The following ACAD8 variants were observed in gnomAD, a reference collection of about 807,000 sequenced individuals.
ACAD8 encodes the protein acyl-CoA dehydrogenase family member 8.
ACAD8 carries 47 observed loss-of-function variants against 53.1 expected under a neutral mutation model. The ratio of observed to expected loss-of-function variants is 0.89; its 90% CI spans 0.70 to 1.13. ACAD8 has a LOEUF of 1.13. ACAD8 is among the 50% of genes most tolerant of loss of function. The pLI is 0.00. For synonymous variants in ACAD8, 198 were observed against 201.3 expected, an observed-to-expected ratio of 0.98 and a Z score of 0.14; for missense variants, 494 against 535.0, an observed-to-expected ratio of 0.92 and a Z score of 0.76.
chr11:134,264,875 T>C (rs1195882827), intron 10 of ACAD8, 33 bp from the exon 11 acceptor site: 2 of 1,603,452 alleles, frequency 1.2e-6, no homozygotes, highest in Admixed American at 3.3e-5. Context: ...ACTTTGCTGC[T>C]GTGAAATTCT....
chr11:134,262,998 A>G, intron 10 of ACAD8: 2 of 1,205,344 alleles, frequency 1.7e-6, no homozygotes, highest in African/African-American at 3.2e-5. Context: ...AATGTGAGCC[A>G]GTATGGTCAT....
chr11:134,258,090 T>C, intron 3 of ACAD8: 1 of 285,824 alleles, frequency 3.5e-6, no homozygotes, highest in South Asian at 3.5e-5. Context: ...GACCTTGTGT[T>C]CTGCCTGCCT....
chr11:134,253,956 G>A (rs537847488), intron 1 of ACAD8, among the ~76,000 whole-genome samples: 179 of 147,032 alleles, frequency 1.2e-3, no homozygotes, highest in African/African-American at 4.2e-3. Flanking sequence ...TCCTCCGGCC[G>A]GTCACCCCCG....
intron 10 of ACAD8, chr11:134,264,188 A>G (rs753828631): frequency 2.7e-4 from 100 of 366,012 alleles, no homozygotes; most frequent in Non-Finnish European, 3.4e-4. Context: ...GTCTAAAATT[A>G]TAAAAAGTTA....
chr11:134,264,963 C>A lies in ACAD8; in HGVS notation c.*3C>A. On this transcript the variant is annotated 3_prime_UTR_variant, in exon 11 of 11. Transcript: ENST00000281182. ...CTAGAAGCCTGCTTCAGGAGTAGAA[C>A]CCACACTTGTTCTGGCCTGGTGTTC... 1 of 1,614,008 alleles carries A rather than the reference C, an allele frequency of 6.2e-7. No individual in the cohort carries two copies. The highest frequency in any genetic ancestry group is 8.5e-7 in the Non-Finnish European group (1 of 1,179,872).
At position 134,264,833 on chromosome 11, in the gene ACAD8, G is replaced by A. The variant is rs941682987; in HGVS notation, c.1196-75G>A. 18 of 1,343,936 alleles carry A rather than the reference G, an allele frequency of 1.3e-5. No homozygotes were observed. In the African/African-American group the frequency reaches 2.4e-4, roughly 18 times the overall value. The allele number at this position is 1,343,936 out of a possible 1,614,324, so 83.3% of individuals were successfully genotyped here. A position where few individuals can be genotyped will look rare whatever the true frequency, so the allele number is the denominator to read the frequency against. On this transcript the variant is annotated intron_variant, in intron 10 of 10. Coordinates refer to ENST00000281182, the MANE Select transcript of ACAD8 (RefSeq NM_014384.3). ...GCAGCTACTCTGAACTAGGCCTGGAGCAGCCTGGTCAGAGCTTTACTAAAC... is the reference window on the plus strand; with the variant it reads ...GCAGCTACTCTGAACTAGGCCTGGAACAGCCTGGTCAGAGCTTTACTAAAC...
At chr11:134,256,491 C>A in intron 1 of ACAD8, 57 bp from the exon 2 acceptor site, 3 of 1,436,710 alleles carry the variant, frequency 2.1e-6, no homozygotes, top group Non-Finnish European at 2.9e-6. Context: ...TTGTTGGCAA[C>A]ACCTTGTTGG....
At chr11:134,254,675 T>C (rs1470312037) in intron 1 of ACAD8, among the ~76,000 whole-genome samples, 1 of 152,228 alleles carries the variant, frequency 6.6e-6, no homozygotes, top group Admixed American at 6.5e-5. Flanking sequence ...TTACCCTGGT[T>C]GATACCGAAG....
At chr11:134,260,148 A>T in intron 6 of ACAD8, 1 of 1,158,414 alleles carries the variant, frequency 8.6e-7, no homozygotes, top group Non-Finnish European at 1.1e-6. Context: ...ATTAAAAATA[A>T]AGTAAAACTC....
At chr11:134,254,235 G>A (rs1344202297) in intron 1 of ACAD8, among the ~76,000 whole-genome samples, 2 of 152,220 alleles carry the variant, frequency 1.3e-5, no homozygotes, top group African/African-American at 2.4e-5. Flanking sequence ...AACTGCACAA[G>A]AACTCCAGGT....
chr11:134,260,090 G>T, intron 6 of ACAD8: 2 of 1,196,032 alleles, frequency 1.7e-6, no homozygotes, highest in Non-Finnish European at 2.1e-6. Context: ...CCTGGTGTTG[G>T]CCACAAGTCT....
At position 134,262,860 on chromosome 11, in the gene ACAD8, G is replaced by A. The variant is rs143176508; in HGVS notation, c.1195+238G>A. The A allele has an allele frequency of 2.3e-3, 3,210 of 1,401,474 alleles. 11 individuals carry two copies. The highest frequency in any genetic ancestry group is 2.8e-3 in the South Asian group (233 of 81,986). 86.8% of individuals were successfully genotyped at this position (1,401,474 alleles called of 1,614,324 possible). A position where few individuals can be genotyped will look rare whatever the true frequency, so the allele number is the denominator to read the frequency against. On this transcript the variant is annotated intron_variant, in intron 10 of 10. Transcript: ENST00000281182. ...GCTCTGCTGCTGCCCTTTTCCTCTG[G>A]AGATCTGCGAGAAGGGTGAACTGAG... is the stretch of plus-strand genomic sequence containing the variant.
chr11:134,253,699 C>G lies in ACAD8; in HGVS notation c.99C>G (p.Ser33=). 6.3e-7 allele frequency: 1 copy of G among 1,598,182 alleles called. No homozygotes were observed. Among genetic ancestry groups the G allele is most frequent in the Non-Finnish European group, 8.5e-7 (1 of 1,173,364 alleles). The part of the protein sequence containing the change: ...LVQTGHRSLT[S]CIDPSMGLNE... ...AGACCGGCCACCGGAGCTTGACCTC[C>G]TGCATCGACCGTAAGGATCTCCTGG... Residue 33 remains serine (S), a synonymous_variant, in exon 1 of 11, where the codon TCC becomes TCG. Coordinates refer to ENST00000281182, the MANE Select transcript of ACAD8 (RefSeq NM_014384.3).
chr11:134,258,693 C>T (rs1939697337), intron 4 of ACAD8, 69 bp downstream of exon 4: 1 of 1,153,940 alleles, frequency 8.7e-7, no homozygotes, highest in Non-Finnish European at 1.3e-6. Flanking sequence ...CATTACCGAG[C>T]ACTCCTTCCA....
chr11:134,259,605 C>G lies in ACAD8; in HGVS notation c.568-3C>G. ...TCCTTTTGCACCCCTTTTACCCCCA[C>G]AGGCCTTCATCAGTGGTGCTGGTGA... On this transcript the variant is annotated splice_region_variant and splice_polypyrimidine_tract_variant and intron_variant, in intron 5 of 10. Transcript: ENST00000281182. 2 of 1,614,156 alleles carry G rather than the reference C, an allele frequency of 1.2e-6. No individual in the cohort carries two copies. The highest frequency in any genetic ancestry group is 1.7e-6 in the Non-Finnish European group (2 of 1,180,004).
At position 134,262,803 on chromosome 11, in the gene ACAD8, G is replaced by A. The variant is rs369422542; in HGVS notation, c.1195+181G>A. ...TGGCAGGGGCCTGGAGTCCAGAGCC[G>A]CAGCTTCGTCCCTTTCGGGGGGCCT... On this transcript the variant is annotated intron_variant, in intron 10 of 10. Transcript: ENST00000281182. 1,297 of 1,485,516 alleles carry A rather than the reference G, an allele frequency of 8.7e-4. 9 individuals carry two copies. Among genetic ancestry groups the A allele is most frequent in the South Asian group, 8.4e-3 (691 of 82,724 alleles). 92.0% of individuals were successfully genotyped at this position (1,485,516 alleles called of 1,614,324 possible).
rs1565376709 is a variant in ACAD8, at chr11:134,262,317, TG to T, written c.1093-197del. ...GGCAGAGGGCTTTGAGTCGCCTGTC[TG>T]GGGGGAACTGACAAGTTTAGTAGGT... On this transcript the variant is annotated intron_variant, in intron 9 of 10. Transcript: ENST00000281182. 1.3e-5 allele frequency: 9 copies of T among 667,956 alleles called. 1 individual carries two copies. The highest frequency in any genetic ancestry group is 1.9e-5 in the Non-Finnish European group (7 of 364,494). The allele number at this position is 667,956 out of a possible 1,614,324, so 41.4% of individuals were successfully genotyped here.
intron 2 of ACAD8, 186 bp downstream of exon 2, chr11:134,256,834 T>A (rs1939557848): frequency 1.5e-6 from 1 of 675,508 alleles, no homozygotes; most frequent in African/African-American, 1.8e-5. Flanking sequence ...ATAACTTTTT[T>A]TTTGTTAGTT....
intron 10 of ACAD8, 197 bp downstream of exon 10, chr11:134,262,819 C>CG: frequency 6.8e-7 from 1 of 1,466,450 alleles, no homozygotes. Context: ...TCGTCCCTTT[C>CG]GGGGGGCCTC....
Sources: gnomAD v4.1 joint callset for allele counts (sites outside exome capture counted in the v4.1 genomes callset) on GRCh38, gnomAD v4.1.1 for gene constraint, MANE v1.5 for transcripts, NCBI Gene and HGNC (gene_info 2026-07-23, HGNC 2026-07-21) for gene names.